The following RAB33B variants were observed in gnomAD, a reference collection of about 807,000 sequenced individuals.
RAB33B encodes RAB33B, member RAS oncogene family.
Under a neutral mutation model 15.0 loss-of-function variants are expected in RAB33B, and 6 were observed. That is an observed-to-expected ratio of 0.40 (90% CI 0.22 to 0.79). RAB33B has a LOEUF of 0.79. Among genes scored for constraint, RAB33B ranks in the 30% least tolerant of loss-of-function variants. The pLI is 0.37. For missense variants in RAB33B, 257 were observed against 296.4 expected, an observed-to-expected ratio of 0.87 and a Z score of 0.98; for synonymous variants, 117 against 108.3, an observed-to-expected ratio of 1.08 and a Z score of -0.50.
chr4:139,467,308 CTTT>C (rs70943422), intron 1 of RAB33B, among the ~76,000 whole-genome samples: 3 of 17,620 alleles, frequency 1.7e-4, no homozygotes, highest in Non-Finnish European at 3.0e-4. Context: ...CCCCCCGCCG[CTTT>C]TTTTTTTTTT....
At chr4:139,458,128 A>G (rs896964019) in intron 1 of RAB33B, among the ~76,000 whole-genome samples, 1 of 152,080 alleles carries the variant, frequency 6.6e-6, no homozygotes, top group Admixed American at 6.5e-5. Flanking sequence ...TATATTCTCC[A>G]TTATGTTATA....
At chr4:139,464,711 C>A (rs1269668570) in intron 1 of RAB33B, among the ~76,000 whole-genome samples, 2 of 152,196 alleles carry the variant, frequency 1.3e-5, no homozygotes, top group African/African-American at 4.8e-5. Context: ...ATACAAAGGA[C>A]ATGAACTCAT....
upstream of RAB33B, chr4:139,453,022 T>G (rs1749961333): frequency 6.6e-6 from 1 of 152,210 alleles, no homozygotes; most frequent in African/African-American, 2.4e-5. Flanking sequence ...TCAGAAAAAT[T>G]CACGGAGATT....
At chr4:139,464,700 G>A (rs957840683) in intron 1 of RAB33B, among the ~76,000 whole-genome samples, 4 of 152,008 alleles carry the variant, frequency 2.6e-5, no homozygotes, top group African/African-American at 9.7e-5. Flanking sequence ...CATCCGTGTC[G>A]ATACAAAGGA....
intron 1 of RAB33B, among the ~76,000 whole-genome samples, chr4:139,460,884 T>C (rs1332470143): frequency 6.6e-6 from 1 of 152,166 alleles, no homozygotes; most frequent in Non-Finnish European, 1.5e-5. Flanking sequence ...AGGTCAGAAT[T>C]CCTGTTGTTT....
chr4:139,446,766 G>A, the RAB33B span, among the ~76,000 whole-genome samples: 1 of 152,200 alleles, frequency 6.6e-6, no homozygotes, highest in Non-Finnish European at 1.5e-5. Flanking sequence ...TGGCAGGGAT[G>A]GAGGTTACAT....
chr4:139,459,046 A>G (rs1288461363), intron 1 of RAB33B, among the ~76,000 whole-genome samples: 1 of 151,006 alleles, frequency 6.6e-6, no homozygotes, highest in Admixed American at 6.6e-5. Context: ...TTGGCCACAG[A>G]TATATCTTCT....
chr4:139,447,795 T>G, the RAB33B span, among the ~76,000 whole-genome samples: 13 of 150,136 alleles, frequency 8.7e-5, no homozygotes, highest in Non-Finnish European at 1.8e-4. Context: ...GCCTCCCAAG[T>G]AGCTGGGACT....
the RAB33B span, among the ~76,000 whole-genome samples, chr4:139,441,949 G>A: frequency 6.6e-6 from 1 of 152,014 alleles, no homozygotes; most frequent in African/African-American, 2.4e-5. Flanking sequence ...CTAATATTGT[G>A]ACTTTATATA....
At chr4:139,456,739 T>C (rs1335663749) in intron 1 of RAB33B, among the ~76,000 whole-genome samples, 1 of 152,252 alleles carries the variant, frequency 6.6e-6, no homozygotes, top group East Asian at 1.9e-4. Flanking sequence ...TTATTGTGGT[T>C]GAAATGACTA....
chr4:139,453,768 C>CA (rs1749995945), upstream of RAB33B: 1 of 155,640 alleles, frequency 6.4e-6, no homozygotes, highest in Non-Finnish European at 1.4e-5. Flanking sequence ...TCCTTCCTCT[C>CA]AGTTGTCTGT....
chr4:139,471,101 T>G (rs1750380804), intron 1 of RAB33B, among the ~76,000 whole-genome samples: 1 of 152,190 alleles, frequency 6.6e-6, no homozygotes, highest in Non-Finnish European at 1.5e-5. Flanking sequence ...TCTGGGCCAG[T>G]TTAGCACTCG....
chr4:139,471,082 C>T (rs531848840), intron 1 of RAB33B, among the ~76,000 whole-genome samples: 11 of 152,266 alleles, frequency 7.2e-5, no homozygotes, highest in East Asian at 1.9e-4. Context: ...TCTGCCCCAG[C>T]GCACTGTCTC....
chr4:139,455,708 G>A (rs1284046155), intron 1 of RAB33B, among the ~76,000 whole-genome samples: 1 of 152,144 alleles, frequency 6.6e-6, no homozygotes, highest in African/African-American at 2.4e-5. Flanking sequence ...TAGAATAAAA[G>A]GCTAAACATT....
the RAB33B span, among the ~76,000 whole-genome samples, chr4:139,439,419 G>A: frequency 3.7e-4 from 57 of 152,288 alleles, no homozygotes; most frequent in African/African-American, 1.4e-3. Context: ...TCTTATTGAG[G>A]ATCATTTGTA....
At chr4:139,444,004 G>A in the RAB33B span, among the ~76,000 whole-genome samples, 5 of 152,196 alleles carry the variant, frequency 3.3e-5, no homozygotes, top group Admixed American at 6.5e-5. Context: ...GTGAGGTTCA[G>A]AGTGTGACCC....
chr4:139,462,491 C>G (rs1300447591), intron 1 of RAB33B, among the ~76,000 whole-genome samples: 2 of 152,162 alleles, frequency 1.3e-5, no homozygotes, highest in Non-Finnish European at 2.9e-5. Context: ...TATTAAATTT[C>G]CTTTTCCCCT....
chr4:139,465,737 T>C (rs1750272036), intron 1 of RAB33B, among the ~76,000 whole-genome samples: 2 of 151,354 alleles, frequency 1.3e-5, no homozygotes, highest in South Asian at 4.2e-4. Flanking sequence ...TTTTTTTTTT[T>C]TGTTTTTTTG....
In RAB33B at chr4:139,473,389, G is replaced by T; in HGVS notation, c.*263G>T. Reference sequence around the variant, plus strand: ...CTCCATCTAGAGCCCAATGAAGGAAGCTTCAAATGAGAACATGATGGAATC... The same window carrying T: ...CTCCATCTAGAGCCCAATGAAGGAATCTTCAAATGAGAACATGATGGAATC... On this transcript the variant is annotated 3_prime_UTR_variant, in exon 2 of 2. Transcript: ENST00000305626. 2 of 429,236 alleles carry T rather than the reference G, an allele frequency of 4.7e-6. No homozygotes were observed. The highest frequency in any genetic ancestry group is 8.3e-6 in the Non-Finnish European group (2 of 242,166). 26.6% of individuals were successfully genotyped at this position (429,236 alleles called of 1,614,324 possible). A position where few individuals can be genotyped will look rare whatever the true frequency, so the allele number is the denominator to read the frequency against.
Sources: allele counts gnomAD v4.1 joint callset (sites outside exome capture counted in the v4.1 genomes callset), GRCh38; gene constraint gnomAD v4.1.1; transcripts MANE v1.5; gene names NCBI Gene and HGNC (gene_info 2026-07-23, HGNC 2026-07-21).